Variants in ZNF74 observed in about 807,000 individuals in gnomAD.
The protein encoded by ZNF74 is zinc finger protein 520.
ZNF74 carries 12 observed loss-of-function variants against 17.7 expected under a neutral mutation model. The ratio of observed to expected loss-of-function variants is 0.68; its 90% CI spans 0.43 to 1.10. ZNF74 has a LOEUF of 1.10. Among genes scored for constraint, ZNF74 ranks in the 50% least tolerant of loss-of-function variants. ZNF74 has a pLI of 0.00. For synonymous variants in ZNF74, 358 were observed against 362.1 expected (o/e 0.99, Z 0.13); for missense variants, 811 against 881.0 (o/e 0.92, Z 1.01).
At position 20,407,192 on chromosome 22, in the gene ZNF74, G is replaced by C; in HGVS notation, c.*224G>C. 5.0e-6 allele frequency: 3 copies of C among 602,820 alleles called. No individual in the cohort carries two copies. The highest frequency in any genetic ancestry group is 8.3e-6 in the Non-Finnish European group (3 of 362,208). The allele number at this position is 602,820 out of a possible 1,614,324, so 37.3% of individuals were successfully genotyped here. On this transcript the variant is annotated 3_prime_UTR_variant, in exon 5 of 5. Transcript: ENST00000400451. ...GGAGTGTTGAGAGTCATTTGAGGTA[G>C]TCTTGCCACCTGTTTTCCTTGATGG...
In ZNF74 at chr22:20,395,411, G is replaced by A; in HGVS notation, c.113G>A (p.Arg38Lys). 1 of 1,602,698 alleles carries A rather than the reference G, an allele frequency of 6.2e-7. No individual in the cohort carries two copies. ...TCGGGTTGGGGTCTTCCCGAAGCCA[G>A]GTCCAAGGTGAGTGGCTGTGTGTTC... ...DISGWGLPEA[R>K]SKESVSFKDV... Residue 38 changes from arginine to lysine, a missense_variant, in exon 2 of 5, where the codon AGG (arginine) becomes AAG (lysine). Transcript: ENST00000400451.
At chr22:20,403,530 A>G (rs1199644811) in intron 4 of ZNF74, among the ~76,000 whole-genome samples, 1 of 151,536 alleles carries the variant, frequency 6.6e-6, no homozygotes, top group Non-Finnish European at 1.5e-5. Flanking sequence ...TTTTCACCTG[A>G]ATTATTCAGA....
At chr22:20,395,486 G>T (rs866854999) in intron 2 of ZNF74, 68 bp downstream of exon 2, 2 of 1,300,236 alleles carry the variant, frequency 1.5e-6, no homozygotes, top group Non-Finnish European at 1.1e-6. Context: ...GCCCTGGATC[G>T]TCAGCCTTCC....
intron 2 of ZNF74, 43 bp from the exon 3 acceptor site, chr22:20,400,589 G>T: frequency 6.2e-7 from 1 of 1,613,650 alleles, no homozygotes; most frequent in Non-Finnish European, 8.5e-7. Context: ...TGGAACCATG[G>T]ACACAGAATC....
rs1601262147 is a variant in ZNF74 at position 20,394,620 on chromosome 22, G to A, written c.-9G>A. On this transcript the variant is annotated 5_prime_UTR_variant, in exon 1 of 5. It adds an upstream start codon to the 5' untranslated region. Coordinates refer to ENST00000400451, the MANE Select transcript of ZNF74 (RefSeq NM_003426.4). The stretch of plus-strand genomic sequence containing the variant: ...GCCCACTCCTCCTGGGGAGGCTGCC[G>A]TGGAGGCCATGGAGATCCCTGCCCC... 5 of 1,614,156 alleles carry A rather than the reference G, an allele frequency of 3.1e-6. No individual in the cohort carries two copies. The highest frequency in any genetic ancestry group is 4.2e-6 in the Non-Finnish European group (5 of 1,179,998).
chr22:20,406,548 T>C lies in ZNF74; in HGVS notation c.1515T>C (p.Cys505=), dbSNP rs1332963619. Residue 505 remains cysteine (C), a synonymous_variant, in exon 5 of 5, where the codon TGT becomes TGC. Coordinates refer to ENST00000400451, the MANE Select transcript of ZNF74 (RefSeq NM_003426.4). ...AGAAGCCCTTCGACTGCAGCCAGTG[T>C]TGGAAGGCCTTCAGCTGCCACTCGT... ...TGEKPFDCSQ[C]WKAFSCHSSL... The C allele has an allele frequency of 1.2e-6, 2 of 1,604,534 alleles. No homozygotes were observed. Among genetic ancestry groups the C allele is most frequent in the Middle Eastern group, 1.7e-4 (1 of 6,024 alleles).
In ZNF74 at chr22:20,406,222, T is replaced by C. The variant is rs775704845; in HGVS notation, c.1189T>C (p.Phe397Leu). Residue 397 changes from phenylalanine (F) to leucine (L), a missense_variant, in exon 5 of 5, where the codon TTC (phenylalanine) becomes CTC (leucine). By Grantham distance (22) the Phe-to-Leu change is conservative. Around this residue, in one of 3 missense-constraint regions of ZNF74, gnomAD observed 666 missense variants for 702.3 expected, o/e 0.95. Transcript: ENST00000400451. The part of the protein sequence containing the change: ...PYQCGSCGKA[F>L]TCHSSLTVHE... ...CCAGTGCGGCTCCTGCGGCAAGGCC[T>C]TCACCTGCCACTCATCCCTCACCGT... The C allele has an allele frequency of 6.2e-7, 1 of 1,612,342 alleles. No homozygotes were observed. Among genetic ancestry groups the C allele is most frequent in the Non-Finnish European group, 8.5e-7 (1 of 1,179,880 alleles).
At chr22:20,395,511 G>T in intron 2 of ZNF74, 93 bp downstream of exon 2, 1 of 964,242 alleles carries the variant, frequency 1.0e-6, no homozygotes, top group Non-Finnish European at 1.6e-6. Context: ...ACCTTCACCC[G>T]GGTACCTGCT....
intron 2 of ZNF74, 83 bp from the exon 3 acceptor site, chr22:20,400,549 G>C: frequency 6.4e-7 from 1 of 1,559,168 alleles, no homozygotes; most frequent in Non-Finnish European, 8.8e-7. Flanking sequence ...CCCTTTACTT[G>C]TAGGGTCCTT....
rs1167901132 is a variant in ZNF74, at chr22:20,406,720, G to C, written c.1687G>C (p.Glu563Gln). ...GTCGTTTAAGTGTGAGAAATGTGGGGAGATGTTCAACTGGAGCTCGCACCT... is the reference window on the plus strand; with the variant it reads ...GTCGTTTAAGTGTGAGAAATGTGGGCAGATGTTCAACTGGAGCTCGCACCT... ...EKSFKCEKCG[E>Q]MFNWSSHLTE... The change falls in exon 5 of 5, where the codon GAG becomes CAG. Residue 563 changes from glutamate (E) to glutamine (Q), a missense_variant. Physicochemically the swap from Glu to Gln is conservative, Grantham distance 29 (BLOSUM62 2). Around this residue, in one of 3 missense-constraint regions of ZNF74, gnomAD observed 115 missense variants for 119.5 expected, o/e 0.96. Transcript: ENST00000400451. 1 of 1,614,160 alleles carries C rather than the reference G, an allele frequency of 6.2e-7. No individual in the cohort carries two copies.
chr22:20,402,002 T>C (rs2052364000), intron 4 of ZNF74, among the ~76,000 whole-genome samples: 1 of 152,134 alleles, frequency 6.6e-6, no homozygotes, highest in South Asian at 2.1e-4. Context: ...GAGCAGAAGG[T>C]AGTCTGCTTT....
intron 1 of ZNF74, chr22:20,395,056 T>C: frequency 2.2e-6 from 1 of 455,446 alleles, no homozygotes; most frequent in South Asian, 3.2e-5. Flanking sequence ...CCTGGCCTCC[T>C]GCTTCTTTCT....
At chr22:20,397,049 G>C (rs362075) in intron 2 of ZNF74, among the ~76,000 whole-genome samples, 98,961 of 151,304 alleles carry the variant, frequency 0.65, 33,381 homozygotes, top group East Asian at 0.94. Context: ...TCTGATACCT[G>C]TGGAGCTATT....
intron 4 of ZNF74, among the ~76,000 whole-genome samples, chr22:20,405,173 T>C (rs2052399374): frequency 6.6e-6 from 1 of 152,170 alleles, no homozygotes; most frequent in Non-Finnish European, 1.5e-5. Context: ...GCTCCTTCCG[T>C]GTTCTTCCTC....
chr22:20,405,878 G>T lies in ZNF74; in HGVS notation c.845G>T (p.Gly282Val), dbSNP rs1445612859. The change falls in exon 5 of 5, where the codon GGC becomes GTC. Residue 282 changes from glycine (G) to valine (V), a missense_variant. Gly to Val is a moderately radical substitution (Grantham distance 109, BLOSUM62 -3). Coordinates refer to ENST00000400451, the MANE Select transcript of ZNF74 (RefSeq NM_003426.4). ...REKAYKCDEC[G>V]KAFTWSTNLL... ...AAGGCTTACAAGTGCGATGAATGCG[G>T]CAAGGCCTTCACCTGGAGCACCAAC... is the stretch of plus-strand genomic sequence containing the variant. The T allele has an allele frequency of 6.2e-6, 10 of 1,613,608 alleles. No individual in the cohort carries two copies. The highest frequency in any genetic ancestry group is 1.1e-5 in the South Asian group (1 of 91,082).
Position 20,394,808 on chromosome 22 carries a change from A to G in ZNF74, c.34+146A>G, listed in dbSNP as rs567711690. 328 of 771,894 alleles carry G rather than the reference A, an allele frequency of 4.2e-4. 1 individual carries two copies. In the African/African-American group the frequency reaches 5.1e-3, roughly 12 times the overall value. 47.8% of individuals were successfully genotyped at this position (771,894 alleles called of 1,614,324 possible). ...AATCTCACTCTGTCACCCAGGCGGGAGTGGTGCAATGGCTTGATCTCCGCT... is the reference window on the plus strand; with the variant it reads ...AATCTCACTCTGTCACCCAGGCGGGGGTGGTGCAATGGCTTGATCTCCGCT... On this transcript the variant is annotated intron_variant, in intron 1 of 4. Coordinates refer to ENST00000400451, the MANE Select transcript of ZNF74 (RefSeq NM_003426.4).
At chr22:20,402,693 T>C (rs5997054) in intron 4 of ZNF74, among the ~76,000 whole-genome samples, 21,988 of 150,082 alleles carry the variant, frequency 0.15, 2,661 homozygotes, top group African/African-American at 0.34. Context: ...CCCAGCTACT[T>C]GGGAGGCTGA....
intron 2 of ZNF74, among the ~76,000 whole-genome samples, chr22:20,395,816 A>T (rs2052286504): frequency 6.6e-6 from 1 of 152,136 alleles, no homozygotes; most frequent in Non-Finnish European, 1.5e-5. Context: ...CTGGAATCAG[A>T]CAGGGGCACG....
At position 20,406,847 on chromosome 22, in the gene ZNF74, C is replaced by T; in HGVS notation, c.1814C>T (p.Ala605Val). ...TYYVPGSLLG[A>V]GDAGLRDVDP... Reference sequence around the variant, plus strand: ...TACGTGCCTGGCAGCCTGCTGGGTGCAGGGGATGCTGGACTGAGGGACGTG... The same window carrying T: ...TACGTGCCTGGCAGCCTGCTGGGTGTAGGGGATGCTGGACTGAGGGACGTG... Residue 605 changes from alanine (A) to valine (V), a missense_variant, in exon 5 of 5, where the codon GCA becomes GTA. Coordinates refer to ENST00000400451, the MANE Select transcript of ZNF74 (RefSeq NM_003426.4). 1 of 1,614,042 alleles carries T rather than the reference C, an allele frequency of 6.2e-7. No individual in the cohort carries two copies. Among genetic ancestry groups the T allele is most frequent in the Non-Finnish European group, 8.5e-7 (1 of 1,180,018 alleles).
Sources: gnomAD v4.1 joint callset for allele counts (sites outside exome capture counted in the v4.1 genomes callset) on GRCh38, gnomAD v4.1.1 for gene constraint, gnomAD v4.1.1 regional missense constraint, MANE v1.5 for transcripts, NCBI Gene and HGNC (gene_info 2026-07-23, HGNC 2026-07-21) for gene names.